Variants in AGPAT5 observed in about 807,000 individuals in gnomAD.
AGPAT5 encodes the protein 1-acylglycerol-3-phosphate O-acyltransferase 5, also known as 1-acyl-sn-glycerol-3-phosphate acyltransferase epsilon.
Under a neutral mutation model 45.6 loss-of-function variants are expected in AGPAT5, and 46 were observed. The observed-to-expected ratio is 1.01, with a 90% confidence interval of 0.80 to 1.29. AGPAT5 has a LOEUF of 1.29. Among genes scored for constraint, AGPAT5 ranks in the 50% most tolerant of loss-of-function variants. AGPAT5 has a pLI of 0.00. For synonymous variants in AGPAT5, 272 were observed against 167.0 expected (o/e 1.63, Z -4.85); for missense variants, 673 against 450.7 (o/e 1.49, Z -4.47).
chr8:6,720,810 A>T (rs188187464), intron 1 of AGPAT5, among the ~76,000 whole-genome samples: 153 of 152,194 alleles, frequency 1.0e-3, no homozygotes, highest in African/African-American at 3.5e-3. Flanking sequence ...GCAGTGCTGG[A>T]GTTGGAAGAA....
In AGPAT5 at chr8:6,708,762, TG is replaced by T. The variant is rs766863549; in HGVS notation, c.100del (p.Val34SerfsTer54). The T allele has an allele frequency of 3.7e-6, 6 of 1,608,574 alleles. No homozygotes were observed. The highest frequency in any genetic ancestry group is 3.4e-6 in the Non-Finnish European group (4 of 1,179,596). The stretch of plus-strand genomic sequence containing the variant: ...CACGGCGCCCACCTACGTGTTGGCC[TG>T]GGGGGTCTGGCGGCTGCTCTCCGCC... ...LGTAPTYVLAWGVWRLLSAFL... is the reference protein window; with the variant it reads ...LGTAPTYVLAXGVWRLLSAFL... On this transcript the variant is annotated frameshift_variant, in exon 1 of 8. Coordinates refer to ENST00000285518, the MANE Select transcript of AGPAT5 (RefSeq NM_018361.5). LOFTEE classifies it high-confidence loss of function.
chr8:6,731,446 T>C (rs1163891111), intron 3 of AGPAT5, among the ~76,000 whole-genome samples: 1 of 152,214 alleles, frequency 6.6e-6, no homozygotes, highest in Non-Finnish European at 1.5e-5. Flanking sequence ...ATCTCTAGAT[T>C]ACTTATAATA....
chr8:6,718,855 A>G (rs2116864926), intron 1 of AGPAT5, among the ~76,000 whole-genome samples: 1 of 152,344 alleles, frequency 6.6e-6, no homozygotes, highest in Non-Finnish European at 1.5e-5. Flanking sequence ...TACATCAGCA[A>G]CATATAGGCT....
chr8:6,714,482 A>G (rs1293526867), intron 1 of AGPAT5, among the ~76,000 whole-genome samples: 1 of 152,116 alleles, frequency 6.6e-6, no homozygotes, highest in East Asian at 1.9e-4. Flanking sequence ...ATAAATATAA[A>G]CCTCTGTGAA....
At chr8:6,711,289 G>T (rs1287391926) in intron 1 of AGPAT5, among the ~76,000 whole-genome samples, 2 of 152,120 alleles carry the variant, frequency 1.3e-5, no homozygotes, top group Non-Finnish European at 2.9e-5. Context: ...ATTTTTCTTG[G>T]ATTCTGGGTA....
chr8:6,717,561 G>C, intron 1 of AGPAT5, among the ~76,000 whole-genome samples: 1 of 152,222 alleles, frequency 6.6e-6, no homozygotes, highest in East Asian at 1.9e-4. Flanking sequence ...TATATGCTGA[G>C]ATAGTTCACA....
At chr8:6,755,198 T>C in intron 7 of AGPAT5, 24 bp downstream of exon 7, 1 of 1,585,664 alleles carries the variant, frequency 6.3e-7, no homozygotes, top group Non-Finnish European at 8.5e-7. Context: ...GTTCCAGCAC[T>C]TCCGGAACTT....
chr8:6,713,062 T>G (rs1365043), intron 1 of AGPAT5, among the ~76,000 whole-genome samples: 109,950 of 152,134 alleles, frequency 0.72, 40,268 homozygotes, highest in African/African-American at 0.82. Context: ...GCACCATCAT[T>G]GCTCATTGCA....
intron 2 of AGPAT5, among the ~76,000 whole-genome samples, chr8:6,730,330 T>TACGCGCTAACTGGGTCC (rs1800820547): frequency 2.3e-4 from 2 of 8,668 alleles, no homozygotes; most frequent in Non-Finnish European, 3.4e-4. Context: ...TTTTTTTTTT[T>TACGCGCTAACTGGGTCC]TTTTTTTTTT....
rs116737110 is a variant in AGPAT5 at position 6,728,447 on chromosome 8, C to T, written c.290-2264C>T. Among the ~76,000 whole-genome samples, 530 of 152,292 alleles carry T rather than the reference C, an allele frequency of 3.5e-3. 3 individuals carry two copies. The highest frequency in any genetic ancestry group is 0.012 in the African/African-American group (507 of 41,566). ...TATATTTTGACTAGTTAAGCTAGTT[C>T]TTAAATGTTTCCACTAAAATATTCA... is the stretch of plus-strand genomic sequence containing the variant. On this transcript the variant is annotated intron_variant, in intron 2 of 7. Coordinates refer to ENST00000285518, the MANE Select transcript of AGPAT5 (RefSeq NM_018361.5).
At chr8:6,747,560 T>C in intron 5 of AGPAT5, 110 bp from the exon 6 acceptor site, 1 of 1,029,766 alleles carries the variant, frequency 9.7e-7, no homozygotes, top group Non-Finnish European at 1.4e-6. Flanking sequence ...GTGGAATTAA[T>C]AGATTCTGTT....
rs963647855 is a variant in AGPAT5 at position 6,759,256 on chromosome 8, A to C, written c.*1868A>C. ...GTTCTAAATTTGAACTTTGAGAGGC[A>C]ATACTGTTGGAATTATGTGGATTCT... On this transcript the variant is annotated 3_prime_UTR_variant, in exon 8 of 8. Transcript: ENST00000285518. 5.3e-5 allele frequency: 8 copies of C among 152,198 alleles called. No homozygotes were observed. The highest frequency in any genetic ancestry group is 1.9e-4 in the African/African-American group (8 of 41,450). 9.4% of individuals were successfully genotyped at this position (152,198 alleles called of 1,614,324 possible).
chr8:6,745,402 G>A (rs28688598), intron 5 of AGPAT5, among the ~76,000 whole-genome samples: 3,530 of 152,218 alleles, frequency 0.023, 134 homozygotes, highest in African/African-American at 0.08. Context: ...GCTTTCTTGT[G>A]TTTGACTCCA....
At chr8:6,720,039 G>A (rs3780081) in intron 1 of AGPAT5, among the ~76,000 whole-genome samples, 7,564 of 152,238 alleles carry the variant, frequency 0.05, 461 homozygotes, top group East Asian at 0.24. Flanking sequence ...AAAGCCAACT[G>A]TGAGAGACAT....
In AGPAT5 at chr8:6,747,720, G is replaced by A. The variant is rs373437737; in HGVS notation, c.637G>A (p.Val213Ile). 1.2e-5 allele frequency: 20 copies of A among 1,614,060 alleles called. No individual in the cohort carries two copies. Among genetic ancestry groups the A allele is most frequent in the East Asian group, 4.5e-5 (2 of 44,904 alleles). Residue 213 changes from valine (V) to isoleucine (I), a missense_variant, in exon 6 of 8, where the codon GTT becomes ATT. Transcript: ENST00000285518. ...VLTPRIKATHVAFDCMKNYLD... is the reference protein window; with the variant it reads ...VLTPRIKATHIAFDCMKNYLD... Reference sequence around the variant, plus strand: ...AACACCACGAATAAAGGCAACTCACGTTGCTTTTGATTGCATGAAGAATTA... The same window carrying A: ...AACACCACGAATAAAGGCAACTCACATTGCTTTTGATTGCATGAAGAATTA...
intron 1 of AGPAT5, among the ~76,000 whole-genome samples, chr8:6,716,615 C>G (rs1234336614): frequency 6.6e-6 from 1 of 152,040 alleles, no homozygotes; most frequent in African/African-American, 2.4e-5. Flanking sequence ...CAATGGATCA[C>G]CTGAGGTCGG....
In AGPAT5 at chr8:6,750,138, C is replaced by G. The variant is rs546352099; in HGVS notation, c.745+2310C>G. On this transcript the variant is annotated intron_variant, in intron 6 of 7. Coordinates refer to ENST00000285518, the MANE Select transcript of AGPAT5 (RefSeq NM_018361.5). ...CAGTGACAGGCGGCACCTTTCCCAG[C>G]ATAGCACTGTGCCTTCTCCTGCCCC... Among the ~76,000 whole-genome samples, 13 of 152,372 alleles carry G rather than the reference C, an allele frequency of 8.5e-5. No homozygotes were observed. In the East Asian group the frequency reaches 2.3e-3, roughly 27 times the overall value.
At chr8:6,714,573 T>C (rs959484620) in intron 1 of AGPAT5, among the ~76,000 whole-genome samples, 2 of 152,254 alleles carry the variant, frequency 1.3e-5, no homozygotes, top group African/African-American at 4.8e-5. Context: ...GATGCAATTA[T>C]ACATTCAAAC....
intron 1 of AGPAT5, among the ~76,000 whole-genome samples, chr8:6,717,086 G>T (rs75254172): frequency 0.012 from 1,773 of 152,284 alleles, 40 homozygotes; most frequent in African/African-American, 0.04. Flanking sequence ...AATGAGCAAA[G>T]TCAGAGAAGT....
Sources: gnomAD v4.1 joint callset for allele counts (sites outside exome capture counted in the v4.1 genomes callset) on GRCh38, gnomAD v4.1.1 for gene constraint, MANE v1.5 for transcripts, NCBI Gene and HGNC (gene_info 2026-07-23, HGNC 2026-07-21) for gene names.